SCG5: variants seen among roughly 807,000 people sequenced by gnomAD.
The protein encoded by SCG5 is neuroendocrine protein 7B2.
In SCG5, 18 loss-of-function variants were observed where a neutral mutation model predicts 25.7. The ratio of observed to expected loss-of-function variants is 0.70; its 90% CI spans 0.48 to 1.04. The LOEUF is 1.04. Among genes scored for constraint, SCG5 ranks in the 50% least tolerant of loss-of-function variants. The pLI, the probability that SCG5 is intolerant of heterozygous loss-of-function variation, is 0.00. For missense variants in SCG5, 206 were observed against 259.8 expected (o/e 0.79, Z 1.42); for synonymous variants, 101 against 91.7 (o/e 1.10, Z -0.58).
At chr15:32,647,389 A>G (rs950275062) in intron 2 of SCG5, among the ~76,000 whole-genome samples, 1 of 152,184 alleles carries the variant, frequency 6.6e-6, no homozygotes, top group African/African-American at 2.4e-5. Context: ...TGATCAATGG[A>G]TCTTAACAAA....
chr15:32,684,324 G>C (rs2054666433), intron 3 of SCG5: 1 of 485,732 alleles, frequency 2.1e-6, no homozygotes, highest in African/African-American at 2.0e-5. Flanking sequence ...TGCTAAGGAG[G>C]AAAGGGAAGT....
At chr15:32,663,703 G>T (rs1180702487) in intron 2 of SCG5, among the ~76,000 whole-genome samples, 2 of 151,966 alleles carry the variant, frequency 1.3e-5, no homozygotes, top group African/African-American at 4.8e-5. Flanking sequence ...ATTTTTTTCA[G>T]TGCCACCAGT....
intron 4 of SCG5, among the ~76,000 whole-genome samples, chr15:32,689,865 G>A (rs1351205429): frequency 2.1e-5 from 3 of 144,590 alleles, no homozygotes; most frequent in South Asian, 2.2e-4. Context: ...TTTTTGAGAC[G>A]GAGTCTCGCT....
chr15:32,683,923 A>C (rs146113833), intron 3 of SCG5, among the ~76,000 whole-genome samples: 82 of 152,376 alleles, frequency 5.4e-4, no homozygotes, highest in African/African-American at 1.8e-3. Context: ...GTGCAACAGA[A>C]GTATGTTACC....
At chr15:32,649,496 A>G (rs2053999563) in intron 2 of SCG5, among the ~76,000 whole-genome samples, 1 of 152,176 alleles carries the variant, frequency 6.6e-6, no homozygotes, top group African/African-American at 2.4e-5. Flanking sequence ...AAGGAGCTAG[A>G]AGGACTTTTT....
chr15:32,659,133 G>A (rs547152267), intron 2 of SCG5, among the ~76,000 whole-genome samples: 238 of 151,984 alleles, frequency 1.6e-3, no homozygotes, highest in African/African-American at 5.3e-3. Context: ...CCGAGATGGC[G>A]CCACTGCACT....
intron 2 of SCG5, among the ~76,000 whole-genome samples, chr15:32,644,428 A>G (rs2053912214): frequency 6.6e-6 from 1 of 152,230 alleles, no homozygotes; most frequent in African/African-American, 2.4e-5. Flanking sequence ...TTATTAAATA[A>G]TAAATTAAGA....
In SCG5 at chr15:32,657,209, A is replaced by ATATATATATATATATATATATATATATG; in HGVS notation, c.226+13394_226+13395insATATATATATATATATATATATATGTAT. ...TTCTTTCATCCTCCTGTATATATAT[A>ATATATATATATATATATATATATATATG]TATGTATGTATTTCCAGGTGTAAGT... On this transcript the variant is annotated intron_variant, in intron 2 of 5. Coordinates refer to ENST00000300175, the MANE Select transcript of SCG5 (RefSeq NM_001144757.3). 3.8e-3 allele frequency among the ~76,000 whole-genome samples: 146 copies of ATATATATATATATATATATATATATATG among 38,738 alleles called. 36 individuals carry two copies. The highest frequency in any genetic ancestry group is 0.026 in the East Asian group (33 of 1,288). The allele number at this position is 38,738 out of a possible 152,430, so 25.4% of individuals were successfully genotyped here.
intron 2 of SCG5, among the ~76,000 whole-genome samples, chr15:32,675,270 G>T (rs1384579788): frequency 6.6e-6 from 1 of 152,072 alleles, no homozygotes; most frequent in African/African-American, 2.4e-5. Context: ...TTTATTAATG[G>T]TATTCTTTTC....
intron 2 of SCG5, among the ~76,000 whole-genome samples, chr15:32,667,021 A>G (rs1224787878): frequency 6.6e-6 from 1 of 152,254 alleles, no homozygotes; most frequent in Non-Finnish European, 1.5e-5. Context: ...GGAAGACAGT[A>G]TGCAAAAAAG....
intron 2 of SCG5, among the ~76,000 whole-genome samples, chr15:32,663,367 T>C (rs2054270142): frequency 6.6e-6 from 1 of 151,934 alleles, no homozygotes; most frequent in South Asian, 2.1e-4. Context: ...CTCTACTTTC[T>C]ATGTCTGTGA....
chr15:32,646,019 C>T (rs542805363), intron 2 of SCG5, among the ~76,000 whole-genome samples: 3 of 151,876 alleles, frequency 2.0e-5, no homozygotes, highest in South Asian at 2.1e-4. Context: ...GGGGTTTCAC[C>T]GTGTTAGCCA....
intron 5 of SCG5, among the ~76,000 whole-genome samples, chr15:32,692,666 C>G (rs910173623): frequency 1.3e-4 from 20 of 152,162 alleles, no homozygotes; most frequent in African/African-American, 4.8e-4. Context: ...AACCTAAGCA[C>G]GTACTCAAAG....
chr15:32,694,200 A>G (rs1409347166), intron 5 of SCG5, among the ~76,000 whole-genome samples: 1 of 152,212 alleles, frequency 6.6e-6, no homozygotes, highest in Non-Finnish European at 1.5e-5. Flanking sequence ...ATATTTATCA[A>G]AAAAGTTCAC....
In SCG5 at chr15:32,643,482, G is replaced by C; in HGVS notation, c.-7-104G>C. Reference sequence around the variant, plus strand: ...GGATTCTTTGTTACAACCCCTTTCTGGGTGGTCCTCGAACCACAACCTGGA... The same window carrying C: ...GGATTCTTTGTTACAACCCCTTTCTCGGTGGTCCTCGAACCACAACCTGGA... On this transcript the variant is annotated intron_variant, in intron 1 of 5. Coordinates refer to ENST00000300175, the MANE Select transcript of SCG5 (RefSeq NM_001144757.3). The C allele has an allele frequency of 4.7e-6, 4 of 859,498 alleles. No homozygotes were observed. In the Admixed American group the frequency reaches 5.8e-5, roughly 13 times the overall value. 53.2% of individuals were successfully genotyped at this position (859,498 alleles called of 1,614,324 possible). A position where few individuals can be genotyped will look rare whatever the true frequency, so the allele number is the denominator to read the frequency against.
In SCG5 at chr15:32,667,005, C is replaced by G. The variant is rs181749570; in HGVS notation, c.227-12761C>G. Among the ~76,000 whole-genome samples, 49 of 152,226 alleles carry G rather than the reference C, an allele frequency of 3.2e-4. No individual in the cohort carries two copies. The East Asian group carries it at 8.3e-3, about 26-fold the overall frequency. On this transcript the variant is annotated intron_variant, in intron 2 of 5. Coordinates refer to ENST00000300175, the MANE Select transcript of SCG5 (RefSeq NM_001144757.3). ...GTACTCTAAGTATAAACTACACACC[C>G]TATTTGGAAGACAGTATGCAAAAAA...
At chr15:32,661,076 T>C (rs1188692248) in intron 2 of SCG5, among the ~76,000 whole-genome samples, 1 of 152,240 alleles carries the variant, frequency 6.6e-6, no homozygotes, top group Non-Finnish European at 1.5e-5. Context: ...AAACACTTTA[T>C]GTATTGTATT....
chr15:32,672,014 T>C (rs555556462), intron 2 of SCG5, among the ~76,000 whole-genome samples: 1 of 152,340 alleles, frequency 6.6e-6, no homozygotes, highest in East Asian at 1.9e-4. Context: ...AGGCGGTGTC[T>C]GGAATGCCCC....
At chr15:32,691,326 T>G (rs981047928) in intron 4 of SCG5, among the ~76,000 whole-genome samples, 1 of 152,232 alleles carries the variant, frequency 6.6e-6, no homozygotes, top group Non-Finnish European at 1.5e-5. Context: ...GACGCTACTC[T>G]AGAGAGCAGT....
Sources: gnomAD v4.1 joint callset for allele counts (sites outside exome capture counted in the v4.1 genomes callset) on GRCh38, gnomAD v4.1.1 for gene constraint, MANE v1.5 for transcripts, NCBI Gene and HGNC (gene_info 2026-07-23, HGNC 2026-07-21) for gene names.